Variants in SHISA6 observed in about 807,000 individuals in gnomAD.
SHISA6 encodes protein shisa-6.
Under a neutral mutation model 47.9 loss-of-function variants are expected in SHISA6, and 22 were observed. The ratio of observed to expected loss-of-function variants is 0.46; its 90% CI spans 0.33 to 0.66. The LOEUF (loss-of-function observed/expected upper bound fraction) is 0.66. Among genes scored for constraint, SHISA6 ranks in the 30% least tolerant of loss-of-function variants. The probability of loss-of-function intolerance (pLI) is 0.02; values close to 1 mark genes in which losing one functional copy is unlikely to be tolerated. For synonymous variants in SHISA6, 388 were observed against 337.8 expected, an observed-to-expected ratio of 1.15 and a Z score of -1.63; for missense variants, 680 against 764.6, an observed-to-expected ratio of 0.89 and a Z score of 1.30.
chr17:11,287,549 T>C (rs1909353684), intron 2 of SHISA6, among the ~76,000 whole-genome samples: 1 of 148,928 alleles, frequency 6.7e-6, no homozygotes, highest in African/African-American at 2.5e-5. Context: ...GGTATGCACC[T>C]GAGGTCCCAG....
At chr17:11,476,112 C>T (rs750605470) in intron 3 of SHISA6, among the ~76,000 whole-genome samples, 11 of 152,032 alleles carry the variant, frequency 7.2e-5, no homozygotes, top group South Asian at 4.1e-4. Flanking sequence ...TGTTAACATT[C>T]GTGGGATCTG....
intron 2 of SHISA6, among the ~76,000 whole-genome samples, chr17:11,297,758 C>T (rs1909800558): frequency 6.6e-6 from 1 of 152,212 alleles, no homozygotes; most frequent in Non-Finnish European, 1.5e-5. Context: ...CCAAGTGTAG[C>T]AGTATCTTGT....
intron 3 of SHISA6, among the ~76,000 whole-genome samples, chr17:11,506,009 C>A (rs898634682): frequency 2.6e-5 from 4 of 152,136 alleles, no homozygotes; most frequent in South Asian, 2.1e-4. Flanking sequence ...GAGTTTGGTT[C>A]TTAATTTGTA....
At chr17:11,468,345 ACAGAGCC>A (rs1915859629) in intron 3 of SHISA6, among the ~76,000 whole-genome samples, 1 of 151,982 alleles carries the variant, frequency 6.6e-6, no homozygotes, top group African/African-American at 2.4e-5. Context: ...AGATGGCTGT[ACAGAGCC>A]AAGGTCCAGA....
chr17:11,341,328 C>CTTT (rs71367322), intron 2 of SHISA6, among the ~76,000 whole-genome samples: 1,279 of 88,798 alleles, frequency 0.014, 28 homozygotes, highest in East Asian at 0.025. Context: ...CTCTCTCTCT[C>CTTT]TTTTTTTTTT....
intron 1 of SHISA6, among the ~76,000 whole-genome samples, chr17:11,252,163 C>T (rs149751589): frequency 4.4e-4 from 67 of 152,304 alleles, no homozygotes; most frequent in African/African-American, 1.3e-3. Context: ...TCCAGACCCA[C>T]GGACGCAGGA....
intron 3 of SHISA6, 34 bp from the exon 4 acceptor site, chr17:11,551,862 T>G (rs1439040939): frequency 6.5e-7 from 1 of 1,535,818 alleles, no homozygotes; most frequent in Non-Finnish European, 8.8e-7. Flanking sequence ...ATGCCTGAAC[T>G]CTTCTTTAAA....
intron 1 of SHISA6, among the ~76,000 whole-genome samples, chr17:11,250,292 T>C (rs185472357): frequency 2.6e-5 from 4 of 152,314 alleles, no homozygotes; most frequent in African/African-American, 4.8e-5. Flanking sequence ...CCCAGGGCTG[T>C]CGCCTCTGTA....
intron 2 of SHISA6, among the ~76,000 whole-genome samples, chr17:11,273,449 C>G (rs1344861258): frequency 2.6e-5 from 4 of 152,226 alleles, no homozygotes; most frequent in Non-Finnish European, 4.4e-5. Flanking sequence ...CCCCTCTGCT[C>G]CAGGTCGGAC....
intron 2 of SHISA6, among the ~76,000 whole-genome samples, chr17:11,371,349 G>A (rs1214228797): frequency 6.6e-6 from 1 of 152,188 alleles, no homozygotes; most frequent in African/African-American, 2.4e-5. Context: ...CCTCAGGCCA[G>A]AGAGCAAACC....
At position 11,241,577 on chromosome 17, in the gene SHISA6, C is replaced by T. The variant is rs1258020996; in HGVS notation, c.155C>T (p.Ala52Val). ...GGCCGGAGGGCCGGGGGCGCCCTGG[C>T]ACGGGGCGGCCGCGAGCTGAACGGC... Reference protein sequence around the residue: ...VGGRRAGGALARGGRELNGTA... With the variant: ...VGGRRAGGALVRGGRELNGTA... The change falls in exon 1 of 6, where the codon GCA becomes GTA. Residue 52 changes from alanine to valine, a missense_variant. Ala to Val is a moderately conservative substitution (Grantham distance 64). Coordinates refer to ENST00000441885, the MANE Select transcript of SHISA6 (RefSeq NM_207386.4). This position sits in a 1 kb window ranked among gnomAD's most constrained non-coding sequence, Gnocchi z 5.5. The T allele has an allele frequency of 8.9e-7, 1 of 1,125,722 alleles. No homozygotes were observed. Among genetic ancestry groups the T allele is most frequent in the South Asian group, 4.2e-5 (1 of 23,910 alleles). The allele number at this position is 1,125,722 out of a possible 1,614,324, so 69.7% of individuals were successfully genotyped here.
At chr17:11,366,094 G>A (rs1391908625) in intron 2 of SHISA6, among the ~76,000 whole-genome samples, 1 of 152,220 alleles carries the variant, frequency 6.6e-6, no homozygotes, top group Non-Finnish European at 1.5e-5. Flanking sequence ...TGGTGTGAGG[G>A]AGGGAAGCTG....
intron 2 of SHISA6, among the ~76,000 whole-genome samples, chr17:11,281,593 G>A (rs1370551305): frequency 2.0e-5 from 3 of 152,062 alleles, no homozygotes; most frequent in African/African-American, 4.8e-5. Context: ...TGTTCATAAA[G>A]CATATTGGTC....
At chr17:11,259,492 G>C (rs2142143414) in intron 1 of SHISA6, among the ~76,000 whole-genome samples, 1 of 152,232 alleles carries the variant, frequency 6.6e-6, no homozygotes, top group Middle Eastern at 3.4e-3. Flanking sequence ...TATGAACAAG[G>C]TTTTGTTTAT....
intron 4 of SHISA6, 141 bp from the exon 5 acceptor site, chr17:11,555,599 C>T (rs2071970136): frequency 2.7e-5 from 26 of 973,114 alleles, no homozygotes; most frequent in Non-Finnish European, 3.7e-5. Context: ...ATGAGGGAAA[C>T]TGAGTCAATA....
Position 11,344,114 on chromosome 17 carries a change from T to C in SHISA6, c.800-35300T>C, listed in dbSNP as rs147701487. ...ATCTCTTCACATGCTTATTTGTCCA[T>C]TTGTGTATCTTATTTGGAGAAACGT... On this transcript the variant is annotated intron_variant, in intron 2 of 5. Coordinates refer to ENST00000441885, the MANE Select transcript of SHISA6 (RefSeq NM_207386.4). 2.7e-3 allele frequency among the ~76,000 whole-genome samples: 406 copies of C among 152,330 alleles called. 3 individuals are homozygous for C. The highest frequency in any genetic ancestry group is 9.4e-3 in the African/African-American group (389 of 41,570).
At chr17:11,254,824 T>C (rs1475045161) in intron 1 of SHISA6, among the ~76,000 whole-genome samples, 1 of 152,226 alleles carries the variant, frequency 6.6e-6, no homozygotes, top group Admixed American at 6.5e-5. Context: ...CCCTAATAAA[T>C]AGGCACTCCT....
chr17:11,501,793 G>A (rs2071456156), intron 3 of SHISA6, among the ~76,000 whole-genome samples: 1 of 152,072 alleles, frequency 6.6e-6, no homozygotes, highest in Non-Finnish European at 1.5e-5. Context: ...ACTCCCCAGG[G>A]TGCCAGTGGT....
chr17:11,470,247 A>C (rs1169174294), intron 3 of SHISA6, among the ~76,000 whole-genome samples: 1 of 152,206 alleles, frequency 6.6e-6, no homozygotes, highest in East Asian at 1.9e-4. Flanking sequence ...TCAAGGTTCC[A>C]ACTTAGAGCA....
Sources: allele counts gnomAD v4.1 joint callset (sites outside exome capture counted in the v4.1 genomes callset), GRCh38; gene constraint gnomAD v4.1.1; non-coding constraint Gnocchi (gnomAD v3.1); transcripts MANE v1.5; gene names NCBI Gene and HGNC (gene_info 2026-07-23, HGNC 2026-07-21).